GNG7: variants seen among roughly 807,000 people sequenced by gnomAD.
The protein encoded by GNG7 is guanine nucleotide-binding protein G(I)/G(S)/G(O) subunit gamma-7.
In GNG7, 1 loss-of-function variant was observed where a neutral mutation model predicts 4.0. That is an observed-to-expected ratio of 0.25 (90% confidence interval 0.09 to 1.18). The LOEUF (loss-of-function observed/expected upper bound fraction) is 1.18, where lower values mean the gene tolerates loss of function less well. Ranked by LOEUF, GNG7 falls within the 50% of genes most tolerant of loss-of-function variation. The probability of loss-of-function intolerance (pLI) is 0.50; values close to 1 mark genes in which losing one functional copy is unlikely to be tolerated. For synonymous variants in GNG7, 34 were observed against 36.9 expected (o/e 0.92, Z 0.29); for missense variants, 86 against 91.9 (o/e 0.94, Z 0.26).
chr19:2,653,204 T>C lies in GNG7; in HGVS notation c.-134-6924A>G, dbSNP rs1323839132. On this transcript the variant is annotated intron_variant, in intron 1 of 4. Coordinates refer to ENST00000382159, the MANE Select transcript of GNG7 (RefSeq NM_052847.3). This position sits in a 1 kb window ranked among gnomAD's most constrained non-coding sequence, Gnocchi z 4.8. ...TCTAGGGTTATTAAGGTGCTGGTTG[T>C]TATTTTTGCTTGTAATTCTGAAAAG... Among the ~76,000 whole-genome samples, 1 of 152,180 alleles carries C rather than the reference T, an allele frequency of 6.6e-6. No individual in the cohort carries two copies. The highest frequency in any genetic ancestry group is 1.5e-5 in the Non-Finnish European group (1 of 68,022).
chr19:2,512,317 G>T lies in GNG7; in HGVS notation c.*2705C>A. ...GCACTCGGGTGCCACGTCTGCAAAG[G>T]TATTTTCCACAGTGTGGTCACTGAA... On this transcript the variant is annotated 3_prime_UTR_variant, in exon 5 of 5. Coordinates refer to ENST00000382159, the MANE Select transcript of GNG7 (RefSeq NM_052847.3). The surrounding 1 kb of genome is among the most constrained non-coding windows in gnomAD (Gnocchi z 4.7). The T allele has an allele frequency of 3.0e-6, 3 of 985,728 alleles. No homozygotes were observed. The highest frequency in any genetic ancestry group is 3.6e-6 in the Non-Finnish European group (3 of 829,908). 61.1% of individuals were successfully genotyped at this position (985,728 alleles called of 1,614,324 possible). A position where few individuals can be genotyped will look rare whatever the true frequency, so the allele number is the denominator to read the frequency against.
At chr19:2,693,432 A>G (rs1037984794) in intron 1 of GNG7, among the ~76,000 whole-genome samples, 3 of 149,504 alleles carry the variant, frequency 2.0e-5, no homozygotes, top group Non-Finnish European at 4.5e-5. Context: ...AAAAAAAAAG[A>G]AAGAAAGAAA....
intron 2 of GNG7, among the ~76,000 whole-genome samples, chr19:2,590,164 G>A (rs1350005555): frequency 6.6e-6 from 1 of 152,044 alleles, no homozygotes; most frequent in African/African-American, 2.4e-5. Flanking sequence ...ATAAACTATA[G>A]GTAACAACAT....
intron 2 of GNG7, among the ~76,000 whole-genome samples, chr19:2,587,705 G>C (rs1980717687): frequency 1.3e-5 from 2 of 152,098 alleles, no homozygotes; most frequent in Non-Finnish European, 2.9e-5. Flanking sequence ...AAGGGAGGGG[G>C]ACGCTGTCTC....
intron 2 of GNG7, among the ~76,000 whole-genome samples, chr19:2,640,917 C>T (rs1422396954): frequency 1.3e-5 from 2 of 152,200 alleles, no homozygotes; most frequent in Non-Finnish European, 2.9e-5. Context: ...GCGTGAGCCA[C>T]CACACCCAGG....
intron 2 of GNG7, among the ~76,000 whole-genome samples, chr19:2,572,884 A>C (rs963528123): frequency 1.3e-5 from 2 of 151,234 alleles, no homozygotes; most frequent in African/African-American, 4.9e-5. Context: ...GGTGTGAGCC[A>C]CTGTGCTGGC....
chr19:2,684,765 G>A (rs1568284532), intron 1 of GNG7, among the ~76,000 whole-genome samples: 1 of 152,070 alleles, frequency 6.6e-6, no homozygotes, highest in African/African-American at 2.4e-5. Flanking sequence ...GAGGCGGGTG[G>A]ATCACCTGAG....
chr19:2,696,341 A>AGAAG (rs1491189790), intron 1 of GNG7, among the ~76,000 whole-genome samples: 13 of 146,994 alleles, frequency 8.8e-5, no homozygotes, highest in Non-Finnish European at 1.8e-4. Flanking sequence ...AAAGAAAGAA[A>AGAAG]GAAAGAAAAG....
At chr19:2,630,507 G>A (rs1982131248) in intron 2 of GNG7, among the ~76,000 whole-genome samples, 1 of 152,136 alleles carries the variant, frequency 6.6e-6, no homozygotes, top group Non-Finnish European at 1.5e-5. Flanking sequence ...GAGCCTGGAA[G>A]CATGAGGGGC....
At chr19:2,573,064 C>A (rs1231790723) in intron 2 of GNG7, among the ~76,000 whole-genome samples, 1 of 143,196 alleles carries the variant, frequency 7.0e-6, no homozygotes, top group African/African-American at 2.6e-5. Flanking sequence ...CTTGCCCCGT[C>A]GCCTAGGCTG....
chr19:2,587,277 A>G (rs1197751718), intron 2 of GNG7, among the ~76,000 whole-genome samples: 2 of 152,082 alleles, frequency 1.3e-5, no homozygotes, highest in Non-Finnish European at 2.9e-5. Flanking sequence ...AAGCATTCCC[A>G]GGTGCAGACC....
intron 1 of GNG7, among the ~76,000 whole-genome samples, chr19:2,694,288 A>G (rs1475067205): frequency 6.7e-6 from 1 of 149,062 alleles, no homozygotes; most frequent in African/African-American, 2.5e-5. Context: ...TTTTTAGGGG[A>G]AAAAAAAAAG....
intron 2 of GNG7, among the ~76,000 whole-genome samples, chr19:2,640,438 G>C (rs777158719): frequency 7.9e-5 from 12 of 152,104 alleles, no homozygotes; most frequent in African/African-American, 2.7e-4. Flanking sequence ...GAGGTTTCTC[G>C]ACAAGGAAAG....
chr19:2,615,675 G>A (rs529900729), intron 2 of GNG7, among the ~76,000 whole-genome samples: 3 of 151,904 alleles, frequency 2.0e-5, no homozygotes, highest in South Asian at 4.2e-4. Context: ...ATGTTAGCCA[G>A]GATGGTCTCG....
At chr19:2,615,985 T>G (rs935775690) in intron 2 of GNG7, among the ~76,000 whole-genome samples, 2 of 152,198 alleles carry the variant, frequency 1.3e-5, no homozygotes, top group East Asian at 1.9e-4. Flanking sequence ...TCTGGTGACC[T>G]GGAACAGACT....
At chr19:2,686,858 T>A (rs1053195098) in intron 1 of GNG7, among the ~76,000 whole-genome samples, 6 of 151,294 alleles carry the variant, frequency 4.0e-5, no homozygotes, top group African/African-American at 1.5e-4. Flanking sequence ...TTCACACCAT[T>A]CCCCTGCCTC....
intron 3 of GNG7, among the ~76,000 whole-genome samples, chr19:2,549,888 C>T (rs1406981911): frequency 5.3e-5 from 8 of 152,214 alleles, no homozygotes; most frequent in Admixed American, 1.3e-4. Flanking sequence ...TTTGATGACA[C>T]GCATGGAATT....
chr19:2,596,156 T>C (rs867709075), intron 2 of GNG7, among the ~76,000 whole-genome samples: 19 of 152,058 alleles, frequency 1.2e-4, no homozygotes, highest in Admixed American at 5.9e-4. Flanking sequence ...GTCAGGAGTT[T>C]GGGACCAGCA....
At chr19:2,694,937 TC>T (rs1433767223) in intron 1 of GNG7, among the ~76,000 whole-genome samples, 1 of 151,904 alleles carries the variant, frequency 6.6e-6, no homozygotes, top group Non-Finnish European at 1.5e-5. Context: ...ACTCAGGCCA[TC>T]ACAGGGTAGG....
Sources: allele counts gnomAD v4.1 joint callset (sites outside exome capture counted in the v4.1 genomes callset), GRCh38; gene constraint gnomAD v4.1.1; non-coding constraint Gnocchi (gnomAD v3.1); transcripts MANE v1.5; gene names NCBI Gene and HGNC (gene_info 2026-07-23, HGNC 2026-07-21).